Variants in CHUK observed in about 807,000 individuals in gnomAD.
The protein encoded by CHUK is component of inhibitor of nuclear factor kappa B kinase complex.
CHUK carries 35 observed loss-of-function variants against 104.8 expected under a neutral mutation model. The observed-to-expected ratio is 0.33, with a 90% CI of 0.26 to 0.44. CHUK has a LOEUF of 0.44. CHUK is among the 20% of genes least tolerant of loss of function. The pLI, the probability that CHUK is intolerant of heterozygous loss-of-function variation, is 1.00. For synonymous variants in CHUK, 276 were observed against 291.9 expected (o/e 0.95, Z 0.56); for missense variants, 663 against 902.7 (o/e 0.73, Z 3.40).
In CHUK at chr10:100,209,697, C is replaced by T; in HGVS notation, c.1026G>A (p.Glu342=). The change falls in exon 10 of 21, where the codon GAG becomes GAA. Residue 342 remains glutamate, a synonymous_variant. Transcript: ENST00000370397. Reference sequence around the variant, plus strand: ...AACCAGTATTTATTCCAGTTTCACGCTCAATACGAGACTGTAGTGAATGAA... The same window carrying T: ...AACCAGTATTTATTCCAGTTTCACGTTCAATACGAGACTGTAGTGAATGAA... ...ESLHSLQSRI[E]RETGINTGSQ... 6.3e-7 allele frequency: 1 copy of T among 1,581,116 alleles called. No homozygotes were observed. The highest frequency in any genetic ancestry group is 1.1e-5 in the South Asian group (1 of 90,362).
chr10:100,223,752 T>C (rs1489288934), intron 2 of CHUK, among the ~76,000 whole-genome samples: 2 of 152,212 alleles, frequency 1.3e-5, no homozygotes, highest in Non-Finnish European at 2.9e-5. Context: ...AGCACAGATA[T>C]TAGAGTCAGA....
At chr10:100,194,737 G>C in intron 16 of CHUK, 1 of 383,420 alleles carries the variant, frequency 2.6e-6, no homozygotes, top group Non-Finnish European at 4.8e-6. Context: ...GGTGTATAAT[G>C]TATATATAAA....
intron 20 of CHUK, 29 bp from the exon 21 acceptor site, chr10:100,189,656 T>C: frequency 1.3e-6 from 2 of 1,575,268 alleles, no homozygotes; most frequent in South Asian, 1.1e-5. Context: ...AAGTTACAAT[T>C]AGATGTTGAC....
chr10:100,214,875 A>G (rs1161606918), intron 9 of CHUK, among the ~76,000 whole-genome samples: 1 of 152,238 alleles, frequency 6.6e-6, no homozygotes, highest in Non-Finnish European at 1.5e-5. Context: ...CAACACATCC[A>G]AAGTTTCCCA....
At chr10:100,195,179 C>A (rs1845295995) in intron 16 of CHUK, 1 of 152,196 alleles carries the variant, frequency 6.6e-6, no homozygotes, top group East Asian at 1.9e-4. Flanking sequence ...AAAAAAAAAT[C>A]ATTAATTGTT....
At chr10:100,226,095 A>T in intron 1 of CHUK, 78 bp from the exon 2 acceptor site, 3 of 865,712 alleles carry the variant, frequency 3.5e-6, no homozygotes, top group Non-Finnish European at 3.9e-6. Context: ...AAATAACTTA[A>T]GACAACAAAA....
Position 100,194,072 on chromosome 10 carries a change from A to AG in CHUK, c.1885dup (p.Leu629ProfsTer3). The AG allele has an allele frequency of 6.2e-7, 1 of 1,613,396 alleles. No homozygotes were observed. On this transcript the variant is annotated frameshift_variant, in exon 18 of 21. Coordinates refer to ENST00000370397, the MANE Select transcript of CHUK (RefSeq NM_001278.5). LOFTEE classifies it high-confidence loss of function. ...ATTGTCAGCTTCTTTGATATTACTG[A>AG]GGGCCACTTCCACCTTAGGGAGTAG...
chr10:100,208,796 A>AAAAAAAAAAC (rs1564835895), intron 10 of CHUK, among the ~76,000 whole-genome samples: 11 of 151,376 alleles, frequency 7.3e-5, no homozygotes, highest in African/African-American at 9.7e-5. Context: ...AAAAAAAAAA[A>AAAAAAAAAAC]CTGGAAGAGC....
At position 100,202,700 on chromosome 10, in the gene CHUK, CT is replaced by C. The variant is rs1049227123; in HGVS notation, c.1508-552del. ...ACCCTTAGGAAATGAATACAGATGACTTTTTTCTTAAAAATATATATATTTA... is the reference window on the plus strand; with the variant it reads ...ACCCTTAGGAAATGAATACAGATGACTTTTTCTTAAAAATATATATATTTA... On this transcript the variant is annotated intron_variant, in intron 13 of 20. Transcript: ENST00000370397. Among the ~76,000 whole-genome samples the C allele has an allele frequency of 3.3e-5, 5 of 152,026 alleles. No homozygotes were observed. The East Asian group carries it at 5.8e-4, about 18-fold the overall frequency.
At chr10:100,213,953 C>A (rs1845794309) in intron 9 of CHUK, among the ~76,000 whole-genome samples, 1 of 152,066 alleles carries the variant, frequency 6.6e-6, no homozygotes, top group African/African-American at 2.4e-5. Context: ...TAATATAAAT[C>A]TTTATGTTTA....
chr10:100,189,527 G>T lies in CHUK; in HGVS notation c.*71C>A. 8.2e-7 allele frequency: 1 copy of T among 1,226,872 alleles called. No individual in the cohort carries two copies. Among genetic ancestry groups the T allele is most frequent in the Non-Finnish European group, 1.2e-6 (1 of 826,870 alleles). The allele number at this position is 1,226,872 out of a possible 1,614,324, so 76.0% of individuals were successfully genotyped here. ...CTGATGTCTGAAGAATGGTTTCATG[G>T]GGGAAAAACACATTTCCAACATGTA... On this transcript the variant is annotated 3_prime_UTR_variant, in exon 21 of 21. Transcript: ENST00000370397.
intron 16 of CHUK, chr10:100,195,253 G>A (rs2134208592): frequency 6.6e-6 from 1 of 152,216 alleles, no homozygotes; most frequent in East Asian, 1.9e-4. Context: ...ATATTCTTTG[G>A]ACAATAATTA....
At position 100,192,706 on chromosome 10, in the gene CHUK, C is replaced by T. The variant is rs1009491743; in HGVS notation, c.2108+592G>A. The T allele has an allele frequency of 1.1e-5, 11 of 986,814 alleles. No individual in the cohort carries two copies. The Admixed American group carries it at 6.6e-4, about 59-fold the overall frequency. The allele number at this position is 986,814 out of a possible 1,614,324, so 61.1% of individuals were successfully genotyped here. A position where few individuals can be genotyped will look rare whatever the true frequency, so the allele number is the denominator to read the frequency against. ...GGCACATCTTAAGCTGAGAAAATAA[C>T]AGAAATGGATAGTCATTCAGCTTTT... On this transcript the variant is annotated intron_variant, in intron 19 of 20. Coordinates refer to ENST00000370397, the MANE Select transcript of CHUK (RefSeq NM_001278.5).
At chr10:100,200,345 A>T (rs1026411467) in intron 15 of CHUK, among the ~76,000 whole-genome samples, 2 of 152,206 alleles carry the variant, frequency 1.3e-5, no homozygotes, top group Non-Finnish European at 2.9e-5. Context: ...AAAAAATTTC[A>T]AGTTTTAGGG....
In CHUK at chr10:100,217,635, G is replaced by A. The variant is rs149573467; in HGVS notation, c.933+360C>T. On this transcript the variant is annotated intron_variant, in intron 9 of 20. Coordinates refer to ENST00000370397, the MANE Select transcript of CHUK (RefSeq NM_001278.5). Reference sequence around the variant, plus strand: ...TGGCTCACGCCTGTAATCCCACTTTGGGAGGTGGAGGCGGGCAGATCACCT... The same window carrying A: ...TGGCTCACGCCTGTAATCCCACTTTAGGAGGTGGAGGCGGGCAGATCACCT... 2.0e-5 allele frequency among the ~76,000 whole-genome samples: 3 copies of A among 152,352 alleles called. No homozygotes were observed. The East Asian group carries it at 5.8e-4, about 29-fold the overall frequency.
chr10:100,187,669 G>A (rs1845083625), downstream of CHUK: 1 of 152,062 alleles, frequency 6.6e-6, no homozygotes, highest in African/African-American at 2.4e-5. Context: ...AGCAAGTTTG[G>A]GGATCCCACT....
At chr10:100,199,697 T>C (rs944305036) in intron 16 of CHUK, among the ~76,000 whole-genome samples, 2 of 152,072 alleles carry the variant, frequency 1.3e-5, no homozygotes, top group Non-Finnish European at 2.9e-5. Flanking sequence ...CTTTTTCCTC[T>C]CTGAGTTCCT....
chr10:100,226,735 A>G (rs1846113957), intron 1 of CHUK, among the ~76,000 whole-genome samples: 1 of 152,246 alleles, frequency 6.6e-6, no homozygotes, highest in Admixed American at 6.5e-5. Flanking sequence ...TATCACAAGG[A>G]GAGTTCAAAA....
chr10:100,199,909 A>G, intron 16 of CHUK, 62 bp downstream of exon 16: 1 of 1,171,238 alleles, frequency 8.5e-7, no homozygotes, highest in South Asian at 1.2e-5. Flanking sequence ...GATCCCCCAC[A>G]TTTGTTAGGC....
Sources: allele counts gnomAD v4.1 joint callset (sites outside exome capture counted in the v4.1 genomes callset), GRCh38; gene constraint gnomAD v4.1.1; transcripts MANE v1.5; gene names NCBI Gene and HGNC (gene_info 2026-07-23, HGNC 2026-07-21).